Variants in BRAF observed in about 807,000 individuals in gnomAD.
BRAF encodes B-Raf proto-oncogene, serine/threonine kinase, also known as serine/threonine-protein kinase B-raf.
A neutral mutation model predicts 104.6 loss-of-function variants in BRAF; 16 were observed. The observed-to-expected ratio is 0.15, with a 90% CI of 0.10 to 0.23. The LOEUF (loss-of-function observed/expected upper bound fraction) is 0.23. Ranked by LOEUF, BRAF falls within the 10% of genes least tolerant of loss-of-function variation. The pLI is 1.00. For missense variants in BRAF, 541 were observed against 937.3 expected, an observed-to-expected ratio of 0.58 and a Z score of 5.52; for synonymous variants, 310 against 341.6, an observed-to-expected ratio of 0.91 and a Z score of 1.02.
intron 1 of BRAF, among the ~76,000 whole-genome samples, chr7:140,867,715 G>A (rs564736048): frequency 6.6e-6 from 1 of 152,258 alleles, no homozygotes; most frequent in South Asian, 2.1e-4. Context: ...AGGTATGTAA[G>A]AGAAAACTAG....
chr7:140,736,552 C>T (rs531001160), intron 18 of BRAF, among the ~76,000 whole-genome samples: 202 of 151,744 alleles, frequency 1.3e-3, no homozygotes, highest in African/African-American at 4.4e-3. Flanking sequence ...CTCAGCCTCC[C>T]GAGTAGCTGG....
chr7:140,731,804 T>C (rs1409746547), intron 19 of BRAF: 1 of 152,206 alleles, frequency 6.6e-6, no homozygotes, highest in African/African-American at 2.4e-5. Flanking sequence ...CAAATCTTTT[T>C]CCTCATCATT....
chr7:140,714,273 G>A, the BRAF span, among the ~76,000 whole-genome samples: 84 of 152,348 alleles, frequency 5.5e-4, no homozygotes, highest in Non-Finnish European at 9.4e-4. Context: ...AGGAATGGGT[G>A]AAGCAGGAGT....
chr7:140,872,872 T>C (rs1260975649), intron 1 of BRAF, among the ~76,000 whole-genome samples: 1 of 151,908 alleles, frequency 6.6e-6, no homozygotes, highest in Non-Finnish European at 1.5e-5. Flanking sequence ...AAACAAATCC[T>C]GCTAAGTTAA....
intron 1 of BRAF, among the ~76,000 whole-genome samples, chr7:140,860,241 A>G (rs141478547): frequency 8.6e-4 from 131 of 152,306 alleles, no homozygotes; most frequent in Non-Finnish European, 1.6e-3. Flanking sequence ...AAATATTTCC[A>G]GGGTAAGTGG....
chr7:140,909,378 A>C, intron 1 of BRAF, among the ~76,000 whole-genome samples: 1 of 152,194 alleles, frequency 6.6e-6, no homozygotes, highest in East Asian at 1.9e-4. Flanking sequence ...TGAGCACGCC[A>C]TTGTACTCCA....
intron 1 of BRAF, among the ~76,000 whole-genome samples, chr7:140,856,599 G>A (rs192591070): frequency 2.0e-5 from 3 of 152,204 alleles, no homozygotes; most frequent in Admixed American, 1.3e-4. Flanking sequence ...CTCAGGTAAC[G>A]TAAAACAGAT....
chr7:140,844,524 T>C (rs1039798311), intron 2 of BRAF, among the ~76,000 whole-genome samples: 1 of 152,194 alleles, frequency 6.6e-6, no homozygotes, highest in African/African-American at 2.4e-5. Flanking sequence ...TATTTCAGAG[T>C]TAAGAATTCT....
At chr7:140,896,619 A>C (rs960623027) in intron 1 of BRAF, among the ~76,000 whole-genome samples, 1 of 152,026 alleles carries the variant, frequency 6.6e-6, no homozygotes, top group Non-Finnish European at 1.5e-5. Flanking sequence ...TAATCCCAGC[A>C]CTTTGGGAGG....
chr7:140,854,762 C>G (rs751287258), intron 1 of BRAF, among the ~76,000 whole-genome samples: 1 of 151,692 alleles, frequency 6.6e-6, no homozygotes, highest in South Asian at 2.1e-4. Context: ...CTGGCCAACA[C>G]GGTGAAACCC....
intron 19 of BRAF, among the ~76,000 whole-genome samples, chr7:140,727,515 A>G (rs1795671804): frequency 6.6e-6 from 1 of 151,764 alleles, no homozygotes; most frequent in South Asian, 2.1e-4. Flanking sequence ...TTTTGTCCAT[A>G]GTTTCTACTT....
chr7:140,849,172 C>A (rs1808886327), intron 2 of BRAF, among the ~76,000 whole-genome samples: 2 of 152,092 alleles, frequency 1.3e-5, no homozygotes, highest in Admixed American at 1.3e-4. Flanking sequence ...TAGAGCCTTA[C>A]CACCTAGATT....
chr7:140,838,127 A>G lies in BRAF; in HGVS notation c.241-3255T>C, dbSNP rs117882157. Among the ~76,000 whole-genome samples, 1,049 of 152,338 alleles carry G rather than the reference A, an allele frequency of 6.9e-3. 9 individuals are homozygous for G. Among genetic ancestry groups the G allele is most frequent in the South Asian group, 0.017 (80 of 4,826 alleles). ...AGATACCAGATACCACTTCTTCAGG[A>G]GACAGTTGTTCAAAAACCCTATTCC... On this transcript the variant is annotated intron_variant, in intron 2 of 19. Transcript: ENST00000644969.
chr7:140,805,884 T>G (rs189909757), intron 5 of BRAF, among the ~76,000 whole-genome samples: 3 of 152,332 alleles, frequency 2.0e-5, no homozygotes, highest in Non-Finnish European at 4.4e-5. Flanking sequence ...CATAGGTTTT[T>G]GATCTTGCCT....
chr7:140,753,944 A>C, intron 15 of BRAF: 1 of 555,314 alleles, frequency 1.8e-6, no homozygotes, highest in South Asian at 2.1e-5. Flanking sequence ...TAAGCAAGCA[A>C]TCAAAAACTC....
At chr7:140,746,822 T>C (rs1384545762) in intron 17 of BRAF, among the ~76,000 whole-genome samples, 3 of 138,222 alleles carry the variant, frequency 2.2e-5, no homozygotes, top group Admixed American at 7.6e-5. Context: ...ACAGCAAGAC[T>C]CCGTCTTGGA....
chr7:140,752,953 T>C (rs1366124106), intron 16 of BRAF, among the ~76,000 whole-genome samples: 1 of 152,090 alleles, frequency 6.6e-6, no homozygotes, highest in Non-Finnish European at 1.5e-5. Flanking sequence ...ATAAGACATA[T>C]ATTTTTGTTT....
At chr7:140,914,626 T>TA (rs944532299) in intron 1 of BRAF, among the ~76,000 whole-genome samples, 13 of 151,818 alleles carry the variant, frequency 8.6e-5, no homozygotes, top group Non-Finnish European at 1.5e-4. Context: ...CTTTTTATGG[T>TA]AAAAAAAAGT....
rs1041638677 is a variant in BRAF, at chr7:140,734,207, C to G, written c.2401+410G>C. ...GGCTAACCGACTGCCAACTTCTCAC[C>G]TGCAAACACAGGCATAGGTAGGGTC... On this transcript the variant is annotated intron_variant, in intron 19 of 19. Transcript: ENST00000644969. 7 of 1,103,330 alleles carry G rather than the reference C, an allele frequency of 6.3e-6. No individual in the cohort carries two copies. In the Admixed American group the frequency reaches 2.7e-4, roughly 43 times the overall value. 68.3% of individuals were successfully genotyped at this position (1,103,330 alleles called of 1,614,324 possible).
Sources: gnomAD v4.1 joint callset for allele counts (sites outside exome capture counted in the v4.1 genomes callset) on GRCh38, gnomAD v4.1.1 for gene constraint, MANE v1.5 for transcripts, NCBI Gene and HGNC (gene_info 2026-07-23, HGNC 2026-07-21) for gene names.